Variants in EXOC6B observed in about 807,000 individuals in gnomAD.
EXOC6B encodes SEC15 homolog B.
A neutral mutation model predicts 113.5 loss-of-function variants in EXOC6B; 54 were observed. That is an observed-to-expected ratio of 0.48 (90% CI 0.38 to 0.60). EXOC6B has a LOEUF of 0.60. EXOC6B is among the 20% of genes least tolerant of loss of function. The pLI is 0.00. For missense variants in EXOC6B, 797 were observed against 977.5 expected, an observed-to-expected ratio of 0.82 and a Z score of 2.46; for synonymous variants, 357 against 339.0, an observed-to-expected ratio of 1.05 and a Z score of -0.58.
rs540204330 is a variant in EXOC6B at position 72,666,988 on chromosome 2, G to A, written c.669+51115C>T. 3.7e-4 allele frequency among the ~76,000 whole-genome samples: 56 copies of A among 151,910 alleles called. 1 individual carries two copies. Among genetic ancestry groups the A allele is most frequent in the African/African-American group, 1.3e-3 (52 of 41,408 alleles). On this transcript the variant is annotated intron_variant, in intron 6 of 21. Coordinates refer to ENST00000272427, the MANE Select transcript of EXOC6B (RefSeq NM_015189.3). The stretch of plus-strand genomic sequence containing the variant: ...AGCGATTCTCCTGCCTCAGCCTCCC[G>A]AGTAGCTGGGACCACAGGTGCATGC...
chr2:72,508,184 A>AAAAAAAAAAAAAAC lies in EXOC6B; in HGVS notation c.1167+4947_1167+4948insGTTTTTTTTTTTTT, dbSNP rs923877882. Among the ~76,000 whole-genome samples the AAAAAAAAAAAAAAC allele has an allele frequency of 1.3e-3, 117 of 89,052 alleles. 3 individuals carry two copies. The highest frequency in any genetic ancestry group is 3.9e-3 in the African/African-American group (59 of 14,992). 58.4% of individuals were successfully genotyped at this position (89,052 alleles called of 152,430 possible). ...CCCGCAAAAAAAAAAAAAAAAAAAA[A>AAAAAAAAAAAAAAC]ACACCTAAAAACAGTACTTTGATGG... is the stretch of plus-strand genomic sequence containing the variant. On this transcript the variant is annotated intron_variant, in intron 11 of 21. Coordinates refer to ENST00000272427, the MANE Select transcript of EXOC6B (RefSeq NM_015189.3).
chr2:72,704,858 TCCAGGA>T (rs1383855116), intron 6 of EXOC6B, among the ~76,000 whole-genome samples: 1 of 149,412 alleles, frequency 6.7e-6, no homozygotes. Flanking sequence ...TCAAAAAGAG[TCCAGGA>T]CCAGATGGAT....
At chr2:72,243,370 T>C (rs1682446153) in intron 20 of EXOC6B, among the ~76,000 whole-genome samples, 1 of 152,086 alleles carries the variant, frequency 6.6e-6, no homozygotes, top group African/African-American at 2.4e-5. Flanking sequence ...TAGACTGGAT[T>C]AAGAAAATGT....
chr2:72,750,761 T>C (rs956819342), intron 1 of EXOC6B, among the ~76,000 whole-genome samples: 1 of 152,084 alleles, frequency 6.6e-6, no homozygotes, highest in Non-Finnish European at 1.5e-5. Context: ...ATTTTTAAAG[T>C]AGTCCCAGCA....
At chr2:72,309,936 AT>A (rs936329408) in intron 20 of EXOC6B, among the ~76,000 whole-genome samples, 3 of 152,168 alleles carry the variant, frequency 2.0e-5, no homozygotes, top group African/African-American at 4.8e-5. Flanking sequence ...ACTTAGCATA[AT>A]TTTTTCAAGG....
chr2:72,586,177 C>T (rs1197058031), intron 6 of EXOC6B, among the ~76,000 whole-genome samples: 1 of 152,096 alleles, frequency 6.6e-6, no homozygotes, highest in East Asian at 1.9e-4. Context: ...TCATTCCAGA[C>T]ATCAGCCTTG....
chr2:72,283,349 C>T (rs1164882871), intron 20 of EXOC6B, among the ~76,000 whole-genome samples: 2 of 152,080 alleles, frequency 1.3e-5, no homozygotes, highest in African/African-American at 4.8e-5. Context: ...ATCAACAATT[C>T]CTAGATTTGT....
intron 6 of EXOC6B, among the ~76,000 whole-genome samples, chr2:72,668,062 C>T (rs1675523185): frequency 6.6e-6 from 1 of 152,162 alleles, no homozygotes; most frequent in African/African-American, 2.4e-5. Flanking sequence ...AGGACATGAA[C>T]AGACACTTCT....
intron 6 of EXOC6B, among the ~76,000 whole-genome samples, chr2:72,601,228 G>A (rs1366686192): frequency 2.0e-5 from 3 of 150,948 alleles, no homozygotes; most frequent in Non-Finnish European, 4.4e-5. Context: ...TGTCACCCAG[G>A]CTGGAGTGCA....
At chr2:72,794,055 A>G (rs1039883035) in intron 1 of EXOC6B, among the ~76,000 whole-genome samples, 2 of 152,168 alleles carry the variant, frequency 1.3e-5, no homozygotes, top group Non-Finnish European at 2.9e-5. Flanking sequence ...TTTATAAACA[A>G]CTAATTACCC....
chr2:72,290,832 A>C (rs1240188685), intron 20 of EXOC6B, among the ~76,000 whole-genome samples: 3 of 152,212 alleles, frequency 2.0e-5, no homozygotes, highest in African/African-American at 4.8e-5. Flanking sequence ...ATATCCAAAA[A>C]TTATGTTTTC....
chr2:72,587,708 A>G (rs750056126), intron 6 of EXOC6B, among the ~76,000 whole-genome samples: 7 of 152,168 alleles, frequency 4.6e-5, no homozygotes, highest in Non-Finnish European at 8.8e-5. Context: ...TTGGGCGTCA[A>G]AGAGAATCAT....
chr2:72,710,921 T>C (rs1340516328), intron 6 of EXOC6B, among the ~76,000 whole-genome samples: 2 of 152,168 alleles, frequency 1.3e-5, no homozygotes, highest in African/African-American at 2.4e-5. Flanking sequence ...ACATAACCCA[T>C]ATAATCTGGC....
intron 19 of EXOC6B, among the ~76,000 whole-genome samples, chr2:72,366,078 A>C (rs1176089126): frequency 6.6e-6 from 1 of 152,190 alleles, no homozygotes; most frequent in Non-Finnish European, 1.5e-5. Flanking sequence ...ACCAGGATGC[A>C]AAGAAACAGG....
chr2:72,801,191 G>A (rs1251437331), intron 1 of EXOC6B, among the ~76,000 whole-genome samples: 1 of 152,148 alleles, frequency 6.6e-6, no homozygotes, highest in South Asian at 2.1e-4. Context: ...AATTTCTACT[G>A]AGGTATAGAA....
chr2:72,653,004 A>G (rs1674306296), intron 6 of EXOC6B, among the ~76,000 whole-genome samples: 1 of 151,780 alleles, frequency 6.6e-6, no homozygotes, highest in Admixed American at 6.6e-5. Context: ...AATTTTTAAA[A>G]GAAAACATTA....
At chr2:72,180,336 A>G (rs186501421) in intron 21 of EXOC6B, among the ~76,000 whole-genome samples, 2 of 152,338 alleles carry the variant, frequency 1.3e-5, no homozygotes, top group East Asian at 3.9e-4. Flanking sequence ...CTAGGCTGAG[A>G]TGGTCACAGA....
At chr2:72,573,377 A>G (rs1466895482) in intron 7 of EXOC6B, among the ~76,000 whole-genome samples, 6 of 152,174 alleles carry the variant, frequency 3.9e-5, no homozygotes. Flanking sequence ...CTGATGCGTT[A>G]TTGTGCAACT....
intron 6 of EXOC6B, among the ~76,000 whole-genome samples, chr2:72,637,047 A>T (rs1672888993): frequency 6.6e-6 from 1 of 152,226 alleles, no homozygotes; most frequent in Non-Finnish European, 1.5e-5. Flanking sequence ...CACTGAAATT[A>T]AAAATACAAT....
Sources: gnomAD v4.1 joint callset for allele counts (sites outside exome capture counted in the v4.1 genomes callset) on GRCh38, gnomAD v4.1.1 for gene constraint, MANE v1.5 for transcripts, NCBI Gene and HGNC (gene_info 2026-07-23, HGNC 2026-07-21) for gene names.